The following SLC14A2 variants were observed in gnomAD, a reference collection of about 807,000 sequenced individuals.
The protein encoded by SLC14A2 is solute carrier family 14 member 2, also known as urea transporter 2.
Under a neutral mutation model 104.6 loss-of-function variants are expected in SLC14A2, and 91 were observed. That is an observed-to-expected ratio of 0.87 (90% CI 0.73 to 1.04). SLC14A2 has a LOEUF of 1.04. SLC14A2 is among the 50% of genes least tolerant of loss of function. SLC14A2 has a pLI of 0.00. For synonymous variants in SLC14A2, 476 were observed against 466.4 expected (o/e 1.02, Z -0.27); for missense variants, 1,189 against 1,156.0 (o/e 1.03, Z -0.41).
intron 2 of SLC14A2, among the ~76,000 whole-genome samples, chr18:45,596,171 A>G (rs1368580793): frequency 2.6e-5 from 4 of 152,172 alleles, no homozygotes; most frequent in East Asian, 3.9e-4. Context: ...ACAGTGGCAT[A>G]AGGCTAAATT....
At chr18:45,211,101 GAA>G (rs1325768724), upstream of SLC14A2, among the ~76,000 whole-genome samples, 1 of 152,156 alleles carries the variant, frequency 6.6e-6, no homozygotes, top group Admixed American at 6.5e-5. Flanking sequence ...AAGCACCAGA[GAA>G]AATGTCTCTA....
chr18:45,278,464 G>T (rs1226274215), intron 1 of SLC14A2, among the ~76,000 whole-genome samples: 1 of 152,180 alleles, frequency 6.6e-6, no homozygotes, highest in Non-Finnish European at 1.5e-5. Flanking sequence ...TAGAGCATCA[G>T]ATGCAGTAAT....
intron 15 of SLC14A2, among the ~76,000 whole-genome samples, chr18:45,669,052 A>G (rs2046081885): frequency 6.6e-6 from 1 of 152,222 alleles, no homozygotes. Context: ...GGATGGAGCT[A>G]TAGGATTCCT....
chr18:45,199,075 C>A, the SLC14A2 span, among the ~76,000 whole-genome samples: 29 of 152,204 alleles, frequency 1.9e-4, no homozygotes, highest in South Asian at 5.8e-3. Context: ...TTTACAATTA[C>A]TCTTGAAGGC....
upstream of SLC14A2, among the ~76,000 whole-genome samples, chr18:45,208,826 G>A (rs1445573269): frequency 6.6e-6 from 1 of 151,922 alleles, no homozygotes; most frequent in African/African-American, 2.4e-5. Context: ...TTAGGGGTTT[G>A]GGAGACCTGT....
chr18:45,629,856 T>C (rs1259152702), intron 4 of SLC14A2, among the ~76,000 whole-genome samples: 2 of 152,228 alleles, frequency 1.3e-5, no homozygotes, highest in African/African-American at 2.4e-5. Context: ...CCAAGTGTCA[T>C]TTGATGGGTC....
At chr18:45,333,585 A>G (rs2085310335) in intron 1 of SLC14A2, among the ~76,000 whole-genome samples, 1 of 152,230 alleles carries the variant, frequency 6.6e-6, no homozygotes, top group African/African-American at 2.4e-5. Context: ...GCAATCAGTT[A>G]ACTCATGAAT....
chr18:45,324,824 A>T (rs567154834), intron 1 of SLC14A2, among the ~76,000 whole-genome samples: 20 of 152,052 alleles, frequency 1.3e-4, no homozygotes. Context: ...TGACCTTTAG[A>T]TTGAGACATT....
intron 1 of SLC14A2, among the ~76,000 whole-genome samples, chr18:45,225,454 A>C (rs1332805698): frequency 6.6e-6 from 1 of 152,206 alleles, no homozygotes; most frequent in Non-Finnish European, 1.5e-5. Flanking sequence ...CTTTTGGCTT[A>C]GGATTGTCTT....
At chr18:45,189,238 A>T in the SLC14A2 span, among the ~76,000 whole-genome samples, 2 of 152,324 alleles carry the variant, frequency 1.3e-5, no homozygotes, top group East Asian at 3.9e-4. Flanking sequence ...ACTTGAGTTC[A>T]AATCCAGACT....
At chr18:45,342,412 G>A (rs1354065729) in intron 1 of SLC14A2, among the ~76,000 whole-genome samples, 1 of 152,178 alleles carries the variant, frequency 6.6e-6, no homozygotes, top group East Asian at 1.9e-4. Flanking sequence ...CAGCAGATCT[G>A]TGTAGCTGGG....
chr18:45,381,886 A>C (rs534083904), intron 1 of SLC14A2, among the ~76,000 whole-genome samples: 1 of 152,114 alleles, frequency 6.6e-6, no homozygotes, highest in Admixed American at 6.5e-5. Flanking sequence ...ACCATTTTAC[A>C]TGCAGTCCAG....
At chr18:45,370,363 C>A (rs2085710186) in intron 1 of SLC14A2, among the ~76,000 whole-genome samples, 1 of 152,178 alleles carries the variant, frequency 6.6e-6, no homozygotes, top group Admixed American at 6.5e-5. Flanking sequence ...TAAATCCAGG[C>A]AACTCTATCA....
chr18:45,211,686 C>T (rs995797419), upstream of SLC14A2, among the ~76,000 whole-genome samples: 3 of 152,174 alleles, frequency 2.0e-5, no homozygotes, highest in Non-Finnish European at 4.4e-5. Context: ...TCAGCACTTA[C>T]TCTTTGCCAG....
chr18:45,247,701 CTTT>C (rs199702602), intron 1 of SLC14A2, among the ~76,000 whole-genome samples: 26 of 138,320 alleles, frequency 1.9e-4, no homozygotes, highest in African/African-American at 6.4e-4. Flanking sequence ...TAATGTAGGC[CTTT>C]TTTTTTTTTT....
intron 1 of SLC14A2, among the ~76,000 whole-genome samples, chr18:45,397,219 A>C (rs1453565542): frequency 1.3e-5 from 2 of 152,212 alleles, no homozygotes; most frequent in Non-Finnish European, 2.9e-5. Flanking sequence ...TTCTGCTTGT[A>C]GCTCTTTGAG....
At chr18:45,227,528 A>C (rs1220728172) in intron 1 of SLC14A2, among the ~76,000 whole-genome samples, 3 of 152,236 alleles carry the variant, frequency 2.0e-5, no homozygotes, top group Non-Finnish European at 4.4e-5. Context: ...AAGCTAGCCA[A>C]AAGCAGCCTC....
At chr18:45,610,064 G>A (rs2044946694) in intron 2 of SLC14A2, among the ~76,000 whole-genome samples, 1 of 152,176 alleles carries the variant, frequency 6.6e-6, no homozygotes, top group East Asian at 1.9e-4. Context: ...AATAAATGAA[G>A]ATAGTTTCCA....
chr18:45,273,183 T>A (rs945842051), intron 1 of SLC14A2, among the ~76,000 whole-genome samples: 1 of 152,160 alleles, frequency 6.6e-6, no homozygotes, highest in Non-Finnish European at 1.5e-5. Context: ...ACTGGTTTTA[T>A]TTTCAGTGGT....
Sources: gnomAD v4.1 joint callset for allele counts (sites outside exome capture counted in the v4.1 genomes callset) on GRCh38, gnomAD v4.1.1 for gene constraint, MANE v1.5 for transcripts, NCBI Gene and HGNC (gene_info 2026-07-23, HGNC 2026-07-21) for gene names.